Variants in CCDC148 observed in about 807,000 individuals in gnomAD.
CCDC148 encodes coiled-coil domain-containing protein 148.
Under a neutral mutation model 85.7 loss-of-function variants are expected in CCDC148, and 89 were observed. That is an observed-to-expected ratio of 1.04 (90% CI 0.87 to 1.24). The LOEUF is 1.24. Ranked by LOEUF, CCDC148 falls within the 50% of genes most tolerant of loss-of-function variation. CCDC148 has a pLI of 0.00. For missense variants in CCDC148, 692 were observed against 671.7 expected, an observed-to-expected ratio of 1.03 and a Z score of -0.33; for synonymous variants, 230 against 213.9, an observed-to-expected ratio of 1.08 and a Z score of -0.66.
intron 1 of CCDC148, among the ~76,000 whole-genome samples, chr2:158,359,668 T>C (rs1325469475): frequency 6.6e-6 from 1 of 152,152 alleles, no homozygotes; most frequent in East Asian, 1.9e-4. Flanking sequence ...CTACACTTTT[T>C]CCCATGGTCT....
intron 1 of CCDC148, among the ~76,000 whole-genome samples, chr2:158,448,881 G>A (rs188994690): frequency 1.1e-4 from 17 of 152,214 alleles, no homozygotes; most frequent in Non-Finnish European, 2.1e-4. Flanking sequence ...AGGCTGGAGT[G>A]CAGTGGCGCA....
chr2:158,273,205 G>A (rs1574517872), intron 9 of CCDC148, among the ~76,000 whole-genome samples: 1 of 152,094 alleles, frequency 6.6e-6, no homozygotes, highest in Non-Finnish European at 1.5e-5. Flanking sequence ...GATACAGAAG[G>A]CATCAAGCTA....
intron 1 of CCDC148, among the ~76,000 whole-genome samples, chr2:158,394,832 A>G (rs915270711): frequency 1.3e-5 from 2 of 151,780 alleles, no homozygotes; most frequent in African/African-American, 4.8e-5. Context: ...CAACTAAGAA[A>G]TTTTTCATTC....
chr2:158,225,192 T>A (rs979684381), intron 10 of CCDC148, among the ~76,000 whole-genome samples: 43 of 151,800 alleles, frequency 2.8e-4, no homozygotes, highest in African/African-American at 9.9e-4. Context: ...CCAACAAAGA[T>A]CAAAAGAGAC....
chr2:158,254,390 G>A (rs1275588710), intron 9 of CCDC148, among the ~76,000 whole-genome samples: 1 of 151,634 alleles, frequency 6.6e-6, no homozygotes, highest in Non-Finnish European at 1.5e-5. Flanking sequence ...TGGTGCTTGT[G>A]ATTCTTACTA....
intron 11 of CCDC148, among the ~76,000 whole-genome samples, chr2:158,200,178 T>C (rs1007410627): frequency 3.3e-5 from 5 of 152,220 alleles, no homozygotes; most frequent in Non-Finnish European, 7.3e-5. Flanking sequence ...GCCCTGAAAT[T>C]GGTTTTTACA....
chr2:158,281,580 G>T lies in CCDC148; in HGVS notation c.1110+27853C>A, dbSNP rs1487898445. Among the ~76,000 whole-genome samples the T allele has an allele frequency of 7.9e-5, 12 of 152,248 alleles. 1 individual carries two copies. In the East Asian group the frequency reaches 2.3e-3, roughly 29 times the overall value. The stretch of plus-strand genomic sequence containing the variant: ...CACTCTCCCAAGACTAAACCAGGAA[G>T]AAGTTGAATCTCTGAATAGACCAAT... On this transcript the variant is annotated intron_variant, in intron 9 of 13. Transcript: ENST00000283233.
At chr2:158,400,594 C>A (rs1685736003) in intron 1 of CCDC148, among the ~76,000 whole-genome samples, 1 of 152,092 alleles carries the variant, frequency 6.6e-6, no homozygotes, top group Non-Finnish European at 1.5e-5. Context: ...AGACCTAAAA[C>A]CATAAAAACT....
At chr2:158,317,408 A>G (rs935573324) in intron 7 of CCDC148, among the ~76,000 whole-genome samples, 1 of 152,178 alleles carries the variant, frequency 6.6e-6, no homozygotes, top group African/African-American at 2.4e-5. Flanking sequence ...TTACCATTCA[A>G]TTCTCATTCA....
In CCDC148 at chr2:158,313,778, G is replaced by A; in HGVS notation, c.881C>T (p.Pro294Leu). ...LYLDMLQRYF[P>L]HKSRHDLVEH... ...CACCAAATCATGCCTAGATTTGTGA[G>A]GAAAATATCTTTGTAACATGTCCAG... Residue 294 changes from proline (P) to leucine (L), a missense_variant, in exon 8 of 14, where the codon CCT (proline) becomes CTT (leucine). Coordinates refer to ENST00000283233, the MANE Select transcript of CCDC148 (RefSeq NM_138803.4). The A allele has an allele frequency of 1.2e-6, 2 of 1,613,774 alleles. No individual in the cohort carries two copies. The highest frequency in any genetic ancestry group is 1.1e-5 in the South Asian group (1 of 91,030).
chr2:158,235,170 G>A (rs1393718504), intron 10 of CCDC148, among the ~76,000 whole-genome samples: 1 of 152,128 alleles, frequency 6.6e-6, no homozygotes. Flanking sequence ...AAAGTATATT[G>A]TGTATATTAT....
intron 1 of CCDC148, among the ~76,000 whole-genome samples, chr2:158,363,919 C>T (rs533305626): frequency 2.6e-5 from 4 of 152,230 alleles, no homozygotes; most frequent in South Asian, 2.1e-4. Context: ...AAAACCCCAT[C>T]GTCTCAGCCC....
At chr2:158,357,941 C>T (rs369984989) in intron 2 of CCDC148, among the ~76,000 whole-genome samples, 9 of 152,270 alleles carry the variant, frequency 5.9e-5, no homozygotes, top group African/African-American at 1.7e-4. Flanking sequence ...TCCTAAACTA[C>T]ACATGGTCCT....
Position 158,340,386 on chromosome 2 carries a change from C to T in CCDC148, c.342G>A (p.Glu114=). 6.2e-7 allele frequency: 1 copy of T among 1,613,392 alleles called. No homozygotes were observed. Among genetic ancestry groups the T allele is most frequent in the South Asian group, 1.1e-5 (1 of 91,030 alleles). Residue 114 remains glutamate (E), a synonymous_variant, in exon 5 of 14, where the codon GAG becomes GAA. Coordinates refer to ENST00000283233, the MANE Select transcript of CCDC148 (RefSeq NM_138803.4). ...CLCDLTNFEQ[E]LSEQQCTYLK... is the part of the protein sequence containing the mutation. ...GATATGTGCACTGTTGTTCTGATAG[C>T]TCTTGCTCTATGGTGAAACAAAATT...
At chr2:158,266,901 TA>T (rs1263268252) in intron 9 of CCDC148, among the ~76,000 whole-genome samples, 1 of 128,396 alleles carries the variant, frequency 7.8e-6, no homozygotes, top group East Asian at 2.1e-4. Context: ...TTTACATATA[TA>T]TATACACACA....
chr2:158,281,977 A>G (rs546326796), intron 9 of CCDC148, among the ~76,000 whole-genome samples: 327 of 152,004 alleles, frequency 2.2e-3, no homozygotes, highest in Admixed American at 3.1e-3. Flanking sequence ...TTCAATATAC[A>G]CAAATCAATA....
intron 2 of CCDC148, 94 bp from the exon 3 acceptor site, chr2:158,345,412 T>C (rs948422599): frequency 1.3e-6 from 1 of 785,408 alleles, no homozygotes; most frequent in Non-Finnish European, 2.0e-6. Context: ...CTAAGTTAAA[T>C]AGTTTCTCTT....
At chr2:158,322,184 T>A (rs1692549967) in intron 7 of CCDC148, among the ~76,000 whole-genome samples, 1 of 152,154 alleles carries the variant, frequency 6.6e-6, no homozygotes, top group Admixed American at 6.5e-5. Flanking sequence ...ATAGAACTAC[T>A]CAAAATATGG....
intron 2 of CCDC148, among the ~76,000 whole-genome samples, chr2:158,352,152 T>G (rs1332167778): frequency 1.3e-5 from 2 of 148,882 alleles, no homozygotes; most frequent in Non-Finnish European, 3.0e-5. Context: ...AACTGGAAAC[T>G]CCAAAAAGCA....
Sources: allele counts gnomAD v4.1 joint callset (sites outside exome capture counted in the v4.1 genomes callset), GRCh38; gene constraint gnomAD v4.1.1; transcripts MANE v1.5; gene names NCBI Gene and HGNC (gene_info 2026-07-23, HGNC 2026-07-21).